The following LRP2 variants were observed in gnomAD, a reference collection of about 807,000 sequenced individuals.
LRP2 encodes the protein LDL receptor related protein 2, also known as low-density lipoprotein receptor-related protein 2.
In LRP2, 172 loss-of-function variants were observed where a neutral mutation model predicts 531.0. That is an observed-to-expected ratio of 0.32 (90% confidence interval 0.29 to 0.37). The LOEUF (loss-of-function observed/expected upper bound fraction) is 0.37. LRP2 is among the 10% of genes least tolerant of loss of function. The pLI, the probability that LRP2 is intolerant of heterozygous loss-of-function variation, is 1.00. For missense variants in LRP2, 5,167 were observed against 5,868.3 expected (o/e 0.88, Z 3.90); for synonymous variants, 1,992 against 2,027.6 (o/e 0.98, Z 0.47).
intron 11 of LRP2, 55 bp downstream of exon 11, chr2:169,280,295 A>C: frequency 6.3e-7 from 1 of 1,599,120 alleles, no homozygotes; most frequent in East Asian, 2.2e-5. Flanking sequence ...AAAAGTGAAA[A>C]GCTATCAACA....
At chr2:169,313,598 G>A (rs532557774) in intron 3 of LRP2, among the ~76,000 whole-genome samples, 36 of 152,290 alleles carry the variant, frequency 2.4e-4, no homozygotes, top group Middle Eastern at 6.8e-3. Flanking sequence ...GCACCTGGCC[G>A]TATCCGGTGT....
chr2:169,213,732 C>A lies in LRP2; in HGVS notation c.5965G>T (p.Ala1989Ser), dbSNP rs188842680. ...AAGACTATTTTGTTGGCCCCAGTGG[C>A]CTTATCAACTCTTTCAATGACCTCA... ...QYEVIERVDKATGANKIVLRD... is the reference protein window; with the variant it reads ...QYEVIERVDKSTGANKIVLRD... Residue 1989 changes from alanine to serine, a missense_variant, in exon 36 of 79, where the codon GCC (alanine) becomes TCC (serine). By Grantham distance (99) the Ala-to-Ser change is moderately conservative (BLOSUM62 1). Around this residue, in one of 6 missense-constraint regions of LRP2, gnomAD observed 2,811 missense variants for 3,058.0 expected, o/e 0.92. Coordinates refer to ENST00000649046, the MANE Select transcript of LRP2 (RefSeq NM_004525.3). 6.2e-7 allele frequency: 1 copy of A among 1,613,818 alleles called. No individual in the cohort carries two copies. The highest frequency in any genetic ancestry group is 1.3e-5 in the African/African-American group (1 of 74,982).
In LRP2 at chr2:169,216,224, A is replaced by G. The variant is rs754253197; in HGVS notation, c.5826+29T>C. The G allele has an allele frequency of 1.7e-5, 27 of 1,611,600 alleles. No individual in the cohort carries two copies. In the East Asian group the frequency reaches 5.6e-4, roughly 33 times the overall value. On this transcript the variant is annotated intron_variant, in intron 35 of 78. Coordinates refer to ENST00000649046, the MANE Select transcript of LRP2 (RefSeq NM_004525.3). ...CATCAGCTACACCAGCTCAGCATAA[A>G]GACCAAAAGACTGAAAGGGTGCTCA...
intron 67 of LRP2, among the ~76,000 whole-genome samples, chr2:169,152,513 C>T (rs1240607964): frequency 5.9e-5 from 9 of 152,152 alleles, no homozygotes; most frequent in African/African-American, 1.9e-4. Flanking sequence ...ATAATATTCA[C>T]TATTATATCC....
chr2:169,189,102 C>G (rs1449146435), intron 48 of LRP2, among the ~76,000 whole-genome samples: 1 of 152,118 alleles, frequency 6.6e-6, no homozygotes, highest in Non-Finnish European at 1.5e-5. Context: ...ACTCCAAGAT[C>G]CCATAAAAGT....
intron 1 of LRP2, among the ~76,000 whole-genome samples, chr2:169,329,524 G>T (rs756443971): frequency 4.6e-5 from 7 of 152,228 alleles, no homozygotes; most frequent in African/African-American, 1.7e-4. Flanking sequence ...AAGCCAAAGA[G>T]TGCCTGTCAA....
At chr2:169,205,684 A>G in intron 40 of LRP2, 47 bp from the exon 41 acceptor site, 1 of 1,529,040 alleles carries the variant, frequency 6.5e-7, no homozygotes, top group Non-Finnish European at 9.0e-7. Context: ...GGAACCTCAT[A>G]GTCCTTTAAA....
At position 169,283,005 on chromosome 2, in the gene LRP2, C is replaced by G; in HGVS notation, c.1043-4G>C. ...CATATCTGGCAATCATCAAACTCTGCCATATGGAAAATACACATTTGTAGT... is the reference window on the plus strand; with the variant it reads ...CATATCTGGCAATCATCAAACTCTGGCATATGGAAAATACACATTTGTAGT... On this transcript the variant is annotated splice_polypyrimidine_tract_variant and splice_region_variant and intron_variant, in intron 9 of 78. Coordinates refer to ENST00000649046, the MANE Select transcript of LRP2 (RefSeq NM_004525.3). 1 of 1,613,796 alleles carries G rather than the reference C, an allele frequency of 6.2e-7. No homozygotes were observed. Among genetic ancestry groups the G allele is most frequent in the South Asian group, 1.1e-5 (1 of 91,072 alleles).
Position 169,204,265 on chromosome 2 carries a change from C to T in LRP2, c.7722G>A (p.Arg2574=). 6.2e-7 allele frequency: 1 copy of T among 1,612,518 alleles called. No individual in the cohort carries two copies. Among genetic ancestry groups the T allele is most frequent in the Non-Finnish European group, 8.5e-7 (1 of 1,180,000 alleles). ...LLYWVDASLQ[R]IERSTLTGVD... ...CGCCCGTCAGAGTGCTGCGTTCAATCCTCTGCCTAAAATGAAGCAAAAAAA... is the reference window on the plus strand; with the variant it reads ...CGCCCGTCAGAGTGCTGCGTTCAATTCTCTGCCTAAAATGAAGCAAAAAAA... Residue 2574 remains arginine (R), a synonymous_variant, in exon 42 of 79, where the codon AGG becomes AGA. Transcript: ENST00000649046.
chr2:169,181,408 A>G, intron 52 of LRP2, 40 bp downstream of exon 52: 1 of 1,594,038 alleles, frequency 6.3e-7, no homozygotes, highest in Non-Finnish European at 8.6e-7. Context: ...GTTTGAAATA[A>G]ACAGTTACAC....
intron 4 of LRP2, among the ~76,000 whole-genome samples, chr2:169,298,193 AATCATCATCATC>A (rs3083159): frequency 6.7e-4 from 101 of 150,466 alleles, no homozygotes; most frequent in African/African-American, 1.6e-3. Context: ...TTAAACAAGC[AATCATCATCATC>A]ATCATCATCA....
intron 32 of LRP2, 100 bp from the exon 33 acceptor site, chr2:169,225,553 G>GC: frequency 7.3e-7 from 1 of 1,370,968 alleles, no homozygotes; most frequent in Non-Finnish European, 1.0e-6. Flanking sequence ...TGTATTTCTT[G>GC]AACAGTCCTT....
chr2:169,279,532 G>C lies in LRP2; in HGVS notation c.1405C>G (p.Pro469Ala), dbSNP rs1324208034. 4.3e-6 allele frequency: 7 copies of C among 1,613,670 alleles called. No individual in the cohort carries two copies. The Admixed American group carries it at 8.3e-5, about 19-fold the overall frequency. ...QEVLNVSVET[P>A]ENLAVDWVNN... ...ACCCAGTCCACAGCCAGGTTCTCTGGGGTTTCAACAGAAACATTGAGAACC... is the reference window on the plus strand; with the variant it reads ...ACCCAGTCCACAGCCAGGTTCTCTGCGGTTTCAACAGAAACATTGAGAACC... Residue 469 changes from proline to alanine, a missense_variant, in exon 12 of 79, where the codon CCA becomes GCA. Around this residue, in one of 6 missense-constraint regions of LRP2, gnomAD observed 2,811 missense variants for 3,058.0 expected, o/e 0.92. Transcript: ENST00000649046.
At chr2:169,200,511 T>A (rs181937846) in intron 44 of LRP2, among the ~76,000 whole-genome samples, 56 of 152,262 alleles carry the variant, frequency 3.7e-4, no homozygotes, top group African/African-American at 1.3e-3. Context: ...AGGACTCCCA[T>A]TGGCCTAAGT....
chr2:169,265,261 C>G (rs982036745), intron 16 of LRP2, among the ~76,000 whole-genome samples: 1 of 152,012 alleles, frequency 6.6e-6, no homozygotes, highest in African/African-American at 2.4e-5. Context: ...GAGAAATTGA[C>G]CATCTCCAGA....
intron 33 of LRP2, among the ~76,000 whole-genome samples, chr2:169,221,843 TC>T (rs1036672110): frequency 6.6e-6 from 1 of 152,176 alleles, no homozygotes; most frequent in Non-Finnish European, 1.5e-5. Context: ...TCTCTCCTTT[TC>T]CTAAGACTAA....
intron 1 of LRP2, among the ~76,000 whole-genome samples, chr2:169,362,008 C>T (rs569260599): frequency 1.3e-5 from 2 of 152,256 alleles, no homozygotes; most frequent in Admixed American, 6.5e-5. Flanking sequence ...CTCGTTCTCC[C>T]GCAAAGTGCT....
rs115505288 is a variant in LRP2, at chr2:169,213,110, C to G, written c.6040+547G>C. The stretch of plus-strand genomic sequence containing the variant: ...TCAAAAAATAATACCTGTATCATAC[C>G]ACTAATTTAAAGGGGTAAATCAGAA... On this transcript the variant is annotated intron_variant, in intron 36 of 78. Transcript: ENST00000649046. 1.8e-3 allele frequency among the ~76,000 whole-genome samples: 279 copies of G among 152,100 alleles called. 1 individual carries two copies. The highest frequency in any genetic ancestry group is 6.3e-3 in the African/African-American group (262 of 41,488).
intron 76 of LRP2, among the ~76,000 whole-genome samples, chr2:169,135,858 C>T (rs190601256): frequency 3.9e-5 from 6 of 152,268 alleles, no homozygotes; most frequent in Admixed American, 2.0e-4. Flanking sequence ...TCCTATTCAC[C>T]GTTCTCAACT....
Sources: allele counts gnomAD v4.1 joint callset (sites outside exome capture counted in the v4.1 genomes callset), GRCh38; gene constraint gnomAD v4.1.1; regional missense constraint gnomAD v4.1.1; transcripts MANE v1.5; gene names NCBI Gene and HGNC (gene_info 2026-07-23, HGNC 2026-07-21).